Variants in IGF1 observed in about 807,000 individuals in gnomAD.
IGF1 encodes the protein insulin like growth factor 1.
In IGF1, 4 loss-of-function variants were observed where a neutral mutation model predicts 13.8. The ratio of observed to expected loss-of-function variants is 0.29; its 90% CI spans 0.14 to 0.66. The LOEUF is 0.66. Ranked by LOEUF, IGF1 falls within the 30% of genes least tolerant of loss-of-function variation. IGF1 has a pLI of 0.78. For missense variants in IGF1, 124 were observed against 188.5 expected, an observed-to-expected ratio of 0.66 and a Z score of 2.00; for synonymous variants, 76 against 72.6, an observed-to-expected ratio of 1.05 and a Z score of -0.23.
chr12:102,434,215 T>G (rs1475624421), intron 2 of IGF1, among the ~76,000 whole-genome samples: 1 of 150,314 alleles, frequency 6.7e-6, no homozygotes, highest in Non-Finnish European at 1.5e-5. Flanking sequence ...TAGTTACATA[T>G]GTATACATGT....
At chr12:102,418,234 A>G (rs1326147722) in intron 3 of IGF1, among the ~76,000 whole-genome samples, 1 of 152,202 alleles carries the variant, frequency 6.6e-6, no homozygotes, top group East Asian at 1.9e-4. Flanking sequence ...CTGGGAAGAG[A>G]AAGAATGAAT....
chr12:102,479,022 A>T (rs565660717), intron 1 of IGF1, among the ~76,000 whole-genome samples: 155 of 152,378 alleles, frequency 1.0e-3, no homozygotes, highest in African/African-American at 3.5e-3. Context: ...CATACACAGC[A>T]TGAAAAGTGC....
chr12:102,470,476 C>T (rs1409125185), intron 2 of IGF1, among the ~76,000 whole-genome samples: 1 of 152,198 alleles, frequency 6.6e-6, no homozygotes, highest in Non-Finnish European at 1.5e-5. Context: ...TATTTAAAGA[C>T]AGGAACAAGC....
chr12:102,423,336 G>A (rs1311015884), intron 2 of IGF1, among the ~76,000 whole-genome samples: 2 of 146,780 alleles, frequency 1.4e-5, no homozygotes, highest in Non-Finnish European at 1.5e-5. Context: ...TGGTCCAACA[G>A]TTCTGTTGTA....
chr12:102,452,871 A>G lies in IGF1; in HGVS notation c.220+22772T>C, dbSNP rs17032565. Among the ~76,000 whole-genome samples the G allele has an allele frequency of 7.4e-3, 1,122 of 152,326 alleles. 6 individuals carry two copies. The highest frequency in any genetic ancestry group is 1.0e-2 in the Non-Finnish European group (678 of 68,030). On this transcript the variant is annotated intron_variant, in intron 2 of 3. Transcript: ENST00000337514. ...AAAGCAATTTAAGGACATGGGCCCT[A>G]AAAAGAAAACAGCACCTGCTTTGCT...
chr12:102,428,529 C>G (rs991040199), intron 2 of IGF1, among the ~76,000 whole-genome samples: 8 of 151,940 alleles, frequency 5.3e-5, no homozygotes, highest in African/African-American at 1.9e-4. Flanking sequence ...TCATTTGAAG[C>G]AGGTGATAGA....
chr12:102,440,249 G>T (rs1877598048), intron 2 of IGF1, among the ~76,000 whole-genome samples: 1 of 152,190 alleles, frequency 6.6e-6, no homozygotes, highest in Non-Finnish European at 1.5e-5. Context: ...TGCCTCAGCT[G>T]CTTCCCTTCT....
At chr12:102,457,286 TA>T (rs2137181786) in intron 2 of IGF1, among the ~76,000 whole-genome samples, 1 of 152,322 alleles carries the variant, frequency 6.6e-6, no homozygotes. Context: ...ATCCTCATGC[TA>T]AAAGAAAAGC....
chr12:102,428,093 A>C (rs569471209), intron 2 of IGF1, among the ~76,000 whole-genome samples: 2 of 151,706 alleles, frequency 1.3e-5, no homozygotes, highest in East Asian at 3.9e-4. Flanking sequence ...CTCTGTGTGG[A>C]TGCACAAGTC....
intron 2 of IGF1, among the ~76,000 whole-genome samples, chr12:102,459,685 A>C (rs1301314188): frequency 6.6e-6 from 1 of 152,174 alleles, no homozygotes; most frequent in Non-Finnish European, 1.5e-5. Flanking sequence ...TCTTGAGGAA[A>C]TATCCCTTTG....
chr12:102,405,156 A>AGGCTCAC (rs1480956785), intron 3 of IGF1, among the ~76,000 whole-genome samples: 4 of 150,830 alleles, frequency 2.7e-5, no homozygotes, highest in African/African-American at 9.7e-5. Flanking sequence ...GGTGTGATCT[A>AGGCTCAC]GGCTCACTGC....
rs1873535523 is a variant in IGF1 at position 102,399,906 on chromosome 12, A to G, written c.*2601T>C. 6.6e-6 allele frequency: 1 copy of G among 152,228 alleles called. No homozygotes were observed. The highest frequency in any genetic ancestry group is 1.5e-5 in the Non-Finnish European group (1 of 68,034). The allele number at this position is 152,228 out of a possible 1,614,324, so 9.4% of individuals were successfully genotyped here. On this transcript the variant is annotated 3_prime_UTR_variant, in exon 4 of 4. Coordinates refer to ENST00000337514, the MANE Select transcript of IGF1 (RefSeq NM_000618.5). ...GCCATCTTGGGAAGAGGAGTCCAGT[A>G]TCTTATTCCACAGAACCTGTATGTC...
At chr12:102,459,046 A>C (rs1242131346) in intron 2 of IGF1, among the ~76,000 whole-genome samples, 1 of 152,178 alleles carries the variant, frequency 6.6e-6, no homozygotes, top group East Asian at 1.9e-4. Context: ...TTTTTGGTAA[A>C]GCAGAAAGCA....
At chr12:102,441,955 C>CTTCTTCTTCTT (rs1555244164) in intron 2 of IGF1, among the ~76,000 whole-genome samples, 2 of 139,978 alleles carry the variant, frequency 1.4e-5, no homozygotes, top group African/African-American at 2.7e-5. Flanking sequence ...TCTTCTTCTT[C>CTTCTTCTTCTT]TTTTTTTTTT....
chr12:102,477,437 C>G lies in IGF1; in HGVS notation c.64-1638G>C, dbSNP rs9282711. On this transcript the variant is annotated intron_variant, in intron 1 of 3. Transcript: ENST00000337514. ...AGGTAAAAGCTCAACTGAACATTTA[C>G]TGCATTTTTCTCAACAAGATCTCCG... 7.4e-4 allele frequency among the ~76,000 whole-genome samples: 112 copies of G among 151,932 alleles called. 1 individual carries two copies. The highest frequency in any genetic ancestry group is 2.6e-3 in the African/African-American group (109 of 41,432).
In IGF1 at chr12:102,477,550, T is replaced by TTTG. The variant is rs3033405; in HGVS notation, c.64-1752_64-1751insCAA. Among the ~76,000 whole-genome samples the TTTG allele has an allele frequency of 4.0e-5, 6 of 151,082 alleles. No individual in the cohort carries two copies. In the East Asian group the frequency reaches 1.2e-3, roughly 29 times the overall value. On this transcript the variant is annotated intron_variant, in intron 1 of 3. Transcript: ENST00000337514. ...TCCAGTTCTCATTTTTTTTTTTTTT[T>TTTG]GGTTGTAAAATTAGTGGGGTTTTCC...
In IGF1 at chr12:102,397,030, G is replaced by A. The variant is rs1466693217; in HGVS notation, c.*5477C>T. On this transcript the variant is annotated 3_prime_UTR_variant, in exon 4 of 4. Transcript: ENST00000337514. ...AACCTGGCCAACATGGTAAAACCCC[G>A]TCTCTATTAAAAATCCAAAAAATTA... The A allele has an allele frequency of 2.1e-5, 8 of 383,574 alleles. No individual in the cohort carries two copies. Among genetic ancestry groups the A allele is most frequent in the East Asian group, 3.7e-5 (1 of 27,092 alleles). The allele number at this position is 383,574 out of a possible 1,614,324, so 23.8% of individuals were successfully genotyped here.
rs1284086277 is a variant in IGF1, at chr12:102,419,754, C to G, written c.221-64G>C. On this transcript the variant is annotated intron_variant, in intron 2 of 3. Coordinates refer to ENST00000337514, the MANE Select transcript of IGF1 (RefSeq NM_000618.5). Reference sequence around the variant, plus strand: ...AATCTGCTTTCTTCAGTCTTCCACCCAGCTCCTGCCTCTCCCCACAGCTAG... The same window carrying G: ...AATCTGCTTTCTTCAGTCTTCCACCGAGCTCCTGCCTCTCCCCACAGCTAG... The G allele has an allele frequency of 1.5e-5, 22 of 1,509,706 alleles. No individual in the cohort carries two copies. In the Admixed American group the frequency reaches 3.7e-4, roughly 26 times the overall value. The allele number at this position is 1,509,706 out of a possible 1,614,324, so 93.5% of individuals were successfully genotyped here.
intron 2 of IGF1, among the ~76,000 whole-genome samples, chr12:102,433,949 C>T (rs563137510): frequency 6.6e-6 from 1 of 152,176 alleles, no homozygotes; most frequent in African/African-American, 2.4e-5. Context: ...GTCATCTCAC[C>T]CCACCCTCCT....
Sources: gnomAD v4.1 joint callset for allele counts (sites outside exome capture counted in the v4.1 genomes callset) on GRCh38, gnomAD v4.1.1 for gene constraint, MANE v1.5 for transcripts, NCBI Gene and HGNC (gene_info 2026-07-23, HGNC 2026-07-21) for gene names.